The following ADAMTS5 variants were observed in gnomAD, a reference collection of about 807,000 sequenced individuals.
ADAMTS5 encodes the protein A disintegrin and metalloproteinase with thrombospondin motifs 5.
In ADAMTS5, 54 loss-of-function variants were observed where a neutral mutation model predicts 81.4. That is an observed-to-expected ratio of 0.66 (90% CI 0.53 to 0.83). The LOEUF (loss-of-function observed/expected upper bound fraction) is 0.83. ADAMTS5 is among the 40% of genes least tolerant of loss of function. ADAMTS5 has a pLI of 0.00. For missense variants in ADAMTS5, 1,194 were observed against 1,229.9 expected, an observed-to-expected ratio of 0.97 and a Z score of 0.44; for synonymous variants, 532 against 508.8, an observed-to-expected ratio of 1.05 and a Z score of -0.61.
At chr21:26,956,490 C>T (rs1987429815) in intron 1 of ADAMTS5, among the ~76,000 whole-genome samples, 1 of 152,142 alleles carries the variant, frequency 6.6e-6, no homozygotes, top group Non-Finnish European at 1.5e-5. Flanking sequence ...AGTAGTTTTT[C>T]AAATTGAAAT....
chr21:26,947,458 A>G lies in ADAMTS5; in HGVS notation c.1238-3911T>C, dbSNP rs868016387. On this transcript the variant is annotated intron_variant, in intron 2 of 7. Coordinates refer to ENST00000284987, the MANE Select transcript of ADAMTS5 (RefSeq NM_007038.5). ...CTTTTTCTTTTTTTTTTTGAGATGG[A>G]GTTTCTCTCTTGTCGTCCAGGCTGG... Among the ~76,000 whole-genome samples the G allele has an allele frequency of 5.4e-4, 79 of 145,704 alleles. No homozygotes were observed. The Middle Eastern group carries it at 0.018, about 33-fold the overall frequency.
In ADAMTS5 at chr21:26,966,048, GGCACGAA is replaced by G; in HGVS notation, c.337_343del (p.Phe113ProfsTer51). 6.2e-7 allele frequency: 1 copy of G among 1,613,246 alleles called. No individual in the cohort carries two copies. The highest frequency in any genetic ancestry group is 8.5e-7 in the Non-Finnish European group (1 of 1,179,958). ...GGGCGCACTCGTCCCGCCTCCTGCG[GGCACGAA>G]GCCAGCAATGCCCACCGAACCATCT... On this transcript the variant is annotated frameshift_variant, in exon 1 of 8. Coordinates refer to ENST00000284987, the MANE Select transcript of ADAMTS5 (RefSeq NM_007038.5). LOFTEE classifies it high-confidence loss of function.
rs550614873 is a variant in ADAMTS5, at chr21:26,923,042, A to G, written c.*1011T>C. On this transcript the variant is annotated 3_prime_UTR_variant, in exon 8 of 8. Coordinates refer to ENST00000284987, the MANE Select transcript of ADAMTS5 (RefSeq NM_007038.5). ...AAATGCATTTTAAAGGCTTGCTGGT[A>G]GGAGGTATACCAGTGTTGAATGTGT... is the stretch of plus-strand genomic sequence containing the variant. The G allele has an allele frequency of 6.6e-6, 1 of 152,354 alleles. No homozygotes were observed. Among genetic ancestry groups the G allele is most frequent in the East Asian group, 1.9e-4 (1 of 5,188 alleles). 9.4% of individuals were successfully genotyped at this position (152,354 alleles called of 1,614,324 possible).
At chr21:26,935,938 G>A (rs1215971670) in intron 3 of ADAMTS5, among the ~76,000 whole-genome samples, 1 of 151,998 alleles carries the variant, frequency 6.6e-6, no homozygotes, top group Non-Finnish European at 1.5e-5. Context: ...TTACATATAT[G>A]AGCTCATTTA....
At position 26,932,961 on chromosome 21, in the gene ADAMTS5, A is replaced by G. The variant is rs1986942077; in HGVS notation, c.1773T>C (p.Tyr591=). 3 of 1,613,926 alleles carry G rather than the reference A, an allele frequency of 1.9e-6. No individual in the cohort carries two copies. Among genetic ancestry groups the G allele is most frequent in the African/African-American group, 2.7e-5 (2 of 74,896 alleles). The stretch of plus-strand genomic sequence containing the variant: ...TGGGAGCAGGGTTATTACAGTGACG[A>G]TAGGCAAACTGCACTCCTCCTCCAC... ...RSCGGGVQFA[Y]RHCNNPAPRN... is the part of the protein sequence containing the mutation. Residue 591 remains tyrosine (Y), a synonymous_variant, in exon 5 of 8, where the codon TAT becomes TAC. Transcript: ENST00000284987.
chr21:26,923,361 T>C lies in ADAMTS5; in HGVS notation c.*692A>G, dbSNP rs1009911369. On this transcript the variant is annotated 3_prime_UTR_variant, in exon 8 of 8. Transcript: ENST00000284987. Reference sequence around the variant, plus strand: ...AGGTTTAAGTAAATGAACCCGTGTATGTATTTAAGTGACTAGATACACTGA... The same window carrying C: ...AGGTTTAAGTAAATGAACCCGTGTACGTATTTAAGTGACTAGATACACTGA... The C allele has an allele frequency of 6.6e-6, 1 of 152,202 alleles. No homozygotes were observed. The highest frequency in any genetic ancestry group is 2.4e-5 in the African/African-American group (1 of 41,456). 9.4% of individuals were successfully genotyped at this position (152,202 alleles called of 1,614,324 possible).
chr21:26,966,053 G>A lies in ADAMTS5; in HGVS notation c.339C>T (p.Phe113=), dbSNP rs1349921508. 6.2e-7 allele frequency: 1 copy of A among 1,613,256 alleles called. No individual in the cohort carries two copies. Among genetic ancestry groups the A allele is most frequent in the Non-Finnish European group, 8.5e-7 (1 of 1,179,950 alleles). Reference sequence around the variant, plus strand: ...CACTCGTCCCGCCTCCTGCGGGCACGAAGCCAGCAATGCCCACCGAACCAT... The same window carrying A: ...CACTCGTCCCGCCTCCTGCGGGCACAAAGCCAGCAATGCCCACCGAACCAT... ...ERDGSVGIAG[F]VPAGGGTSAP... is the part of the protein sequence containing the mutation. Residue 113 remains phenylalanine (F), a synonymous_variant, in exon 1 of 8, where the codon TTC becomes TTT. Coordinates refer to ENST00000284987, the MANE Select transcript of ADAMTS5 (RefSeq NM_007038.5).
rs1480495650 is a variant in ADAMTS5, at chr21:26,965,741, C to T, written c.651G>A (p.Glu217=). The change falls in exon 1 of 8, where the codon GAG becomes GAA. Residue 217 remains glutamate (E), a synonymous_variant. Transcript: ENST00000284987. ...ASCETPASTP[E]AHEHAPAHSN... is the part of the protein sequence containing the mutation. ...TGTGCGCCGGAGCATGCTCGTGGGC[C>T]TCCGGTGTGGACGCGGGGGTTTCGC... 6.3e-7 allele frequency: 1 copy of T among 1,595,190 alleles called. No individual in the cohort carries two copies. The highest frequency in any genetic ancestry group is 8.5e-7 in the Non-Finnish European group (1 of 1,171,924).
At position 26,965,909 on chromosome 21, in the gene ADAMTS5, C is replaced by T; in HGVS notation, c.483G>A (p.Ala161=). 6.2e-7 allele frequency: 1 copy of T among 1,613,886 alleles called. No homozygotes were observed. The highest frequency in any genetic ancestry group is 2.2e-5 in the East Asian group (1 of 44,842). ...GLDGFFAVKH[A]RYTLKPLLRG... ...GCAGCAGTGGCTTTAGGGTGTAGCGCGCGTGCTTGACCGCGAAGAAGCCGT... is the reference window on the plus strand; with the variant it reads ...GCAGCAGTGGCTTTAGGGTGTAGCGTGCGTGCTTGACCGCGAAGAAGCCGT... The change falls in exon 1 of 8, where the codon GCG becomes GCA. Residue 161 remains alanine, a synonymous_variant. Transcript: ENST00000284987.
chr21:26,945,424 C>T (rs1235755521), intron 2 of ADAMTS5, among the ~76,000 whole-genome samples: 1 of 152,162 alleles, frequency 6.6e-6, no homozygotes, highest in African/African-American at 2.4e-5. Flanking sequence ...CATTCTACTT[C>T]ATAGGATATT....
Position 26,918,999 on chromosome 21 carries a change from G to A in ADAMTS5, c.*5054C>T, listed in dbSNP as rs1042615993. On this transcript the variant is annotated 3_prime_UTR_variant, in exon 8 of 8. Transcript: ENST00000284987. Reference sequence around the variant, plus strand: ...CTGTTGGTCAAAACAATCATTGGATGTGCTTATTTTTCAAATTTTGAGTAT... The same window carrying A: ...CTGTTGGTCAAAACAATCATTGGATATGCTTATTTTTCAAATTTTGAGTAT... 2.0e-5 allele frequency: 3 copies of A among 151,976 alleles called. No homozygotes were observed. Among genetic ancestry groups the A allele is most frequent in the African/African-American group, 7.2e-5 (3 of 41,406 alleles). The allele number at this position is 151,976 out of a possible 1,614,324, so 9.4% of individuals were successfully genotyped here. A position where few individuals can be genotyped will look rare whatever the true frequency, so the allele number is the denominator to read the frequency against.
intron 3 of ADAMTS5, among the ~76,000 whole-genome samples, chr21:26,942,918 TTCC>T (rs1472319408): frequency 6.6e-6 from 1 of 152,170 alleles, no homozygotes; most frequent in Non-Finnish European, 1.5e-5. Context: ...TCTAGAAAGC[TTCC>T]TCTTCTGGGC....
rs1239597360 is a variant in ADAMTS5 at position 26,922,147 on chromosome 21, C to T, written c.*1906G>A. The T allele has an allele frequency of 6.6e-6, 1 of 151,956 alleles. No homozygotes were observed. The highest frequency in any genetic ancestry group is 1.5e-5 in the Non-Finnish European group (1 of 67,926). 9.4% of individuals were successfully genotyped at this position (151,956 alleles called of 1,614,324 possible). A position where few individuals can be genotyped will look rare whatever the true frequency, so the allele number is the denominator to read the frequency against. On this transcript the variant is annotated 3_prime_UTR_variant, in exon 8 of 8. Coordinates refer to ENST00000284987, the MANE Select transcript of ADAMTS5 (RefSeq NM_007038.5). The stretch of plus-strand genomic sequence containing the variant: ...TCACATATAGGTTATCAGCCTTGTA[C>T]AGGCCTCATTTCTCAAAGTGATAAT...
At chr21:26,935,631 T>G (rs1986999945) in intron 3 of ADAMTS5, among the ~76,000 whole-genome samples, 1 of 152,176 alleles carries the variant, frequency 6.6e-6, no homozygotes, top group South Asian at 2.1e-4. Context: ...GCATCATATA[T>G]GAGGGTGTAC....
At position 26,943,073 on chromosome 21, in the gene ADAMTS5, T is replaced by TA. The variant is rs560662691; in HGVS notation, c.1405+306dup. ...GTCTGCCAAAGTTCTCACAGGAAGC[T>TA]AGTGGTAAAAGAAGGAATAAAAGCC... On this transcript the variant is annotated intron_variant, in intron 3 of 7. Coordinates refer to ENST00000284987, the MANE Select transcript of ADAMTS5 (RefSeq NM_007038.5). Among the ~76,000 whole-genome samples, 16 of 152,292 alleles carry TA rather than the reference T, an allele frequency of 1.1e-4. No homozygotes were observed. In the South Asian group the frequency reaches 3.1e-3, roughly 30 times the overall value.
At position 26,923,160 on chromosome 21, in the gene ADAMTS5, A is replaced by G. The variant is rs1176255644; in HGVS notation, c.*893T>C. ...GCTCTGGAGAGAGAAAGTAGTTGTGAAAATATAAATTGAAAACACAGTGAA... is the reference window on the plus strand; with the variant it reads ...GCTCTGGAGAGAGAAAGTAGTTGTGGAAATATAAATTGAAAACACAGTGAA... On this transcript the variant is annotated 3_prime_UTR_variant, in exon 8 of 8. Transcript: ENST00000284987. 6.6e-6 allele frequency: 1 copy of G among 152,176 alleles called. No individual in the cohort carries two copies. The highest frequency in any genetic ancestry group is 1.5e-5 in the Non-Finnish European group (1 of 68,010). The allele number at this position is 152,176 out of a possible 1,614,324, so 9.4% of individuals were successfully genotyped here.
At chr21:26,962,682 G>A (rs909275249) in intron 1 of ADAMTS5, among the ~76,000 whole-genome samples, 2 of 152,152 alleles carry the variant, frequency 1.3e-5, no homozygotes, top group African/African-American at 2.4e-5. Context: ...TCATAGCTTG[G>A]CGTCTGGCTG....
intron 2 of ADAMTS5, among the ~76,000 whole-genome samples, chr21:26,950,095 T>G (rs1014448873): frequency 1.3e-5 from 2 of 152,196 alleles, no homozygotes; most frequent in Admixed American, 1.3e-4. Flanking sequence ...TCTTGACTTG[T>G]TAAGTTGCCT....
At chr21:26,938,111 G>A (rs1193555147) in intron 3 of ADAMTS5, among the ~76,000 whole-genome samples, 2 of 151,920 alleles carry the variant, frequency 1.3e-5, no homozygotes, top group Non-Finnish European at 2.9e-5. Flanking sequence ...GTGGTGGCGG[G>A]CGCCTGTAGT....
Sources: allele counts gnomAD v4.1 joint callset (sites outside exome capture counted in the v4.1 genomes callset), GRCh38; gene constraint gnomAD v4.1.1; transcripts MANE v1.5; gene names NCBI Gene and HGNC (gene_info 2026-07-23, HGNC 2026-07-21).